Variants in ARHGAP15 observed in about 807,000 individuals in gnomAD.
ARHGAP15 encodes the protein rho GTPase-activating protein 15.
A neutral mutation model predicts 63.7 loss-of-function variants in ARHGAP15; 51 were observed. The observed-to-expected ratio is 0.80, with a 90% confidence interval of 0.64 to 1.01. The LOEUF is 1.01. Ranked by LOEUF, ARHGAP15 falls within the 50% of genes least tolerant of loss-of-function variation. The pLI, the probability that ARHGAP15 is intolerant of heterozygous loss-of-function variation, is 0.00. For missense variants in ARHGAP15, 560 were observed against 564.6 expected, an observed-to-expected ratio of 0.99 and a Z score of 0.08; for synonymous variants, 191 against 193.8, an observed-to-expected ratio of 0.99 and a Z score of 0.12.
intron 13 of ARHGAP15, chr2:143,703,753 TA>T: frequency 5.0e-6 from 2 of 399,814 alleles, no homozygotes; most frequent in Non-Finnish European, 8.9e-6. Flanking sequence ...TTTCAACTAG[TA>T]TATGTTTGCT....
intron 6 of ARHGAP15, among the ~76,000 whole-genome samples, chr2:143,411,011 C>A (rs753981223): frequency 1.3e-5 from 2 of 152,082 alleles, no homozygotes; most frequent in Middle Eastern, 3.4e-3. Context: ...CACGAACCAG[C>A]CTGACCAACA....
chr2:143,456,335 T>C (rs1188047196), intron 8 of ARHGAP15, among the ~76,000 whole-genome samples: 2 of 152,064 alleles, frequency 1.3e-5, no homozygotes, highest in Non-Finnish European at 2.9e-5. Flanking sequence ...AGAGGGCAAC[T>C]TAATTGGAGG....
At chr2:143,670,167 T>A (rs987037087) in intron 12 of ARHGAP15, among the ~76,000 whole-genome samples, 1 of 152,194 alleles carries the variant, frequency 6.6e-6, no homozygotes. Flanking sequence ...TTGCTGCTTC[T>A]CAACATCCTC....
chr2:143,250,289 T>C (rs1282066067), intron 5 of ARHGAP15, among the ~76,000 whole-genome samples: 3 of 152,066 alleles, frequency 2.0e-5, no homozygotes, highest in Non-Finnish European at 4.4e-5. Flanking sequence ...TCCTATGGTT[T>C]ATAGTTAATT....
intron 11 of ARHGAP15, among the ~76,000 whole-genome samples, chr2:143,605,014 T>G (rs1697931434): frequency 6.6e-6 from 1 of 152,158 alleles, no homozygotes; most frequent in Non-Finnish European, 1.5e-5. Flanking sequence ...GTTCAAGTGA[T>G]TCTCATGCCT....
At chr2:143,497,329 G>A (rs1446893841) in intron 9 of ARHGAP15, among the ~76,000 whole-genome samples, 1 of 152,158 alleles carries the variant, frequency 6.6e-6, no homozygotes, top group African/African-American at 2.4e-5. Flanking sequence ...AGTCTGCTGC[G>A]CTCTGGAGAG....
At chr2:143,525,533 C>A (rs554110007) in intron 10 of ARHGAP15, among the ~76,000 whole-genome samples, 1 of 151,782 alleles carries the variant, frequency 6.6e-6, no homozygotes, top group South Asian at 2.1e-4. Context: ...TGGAGGTGAT[C>A]TTAAAGAAGC....
intron 12 of ARHGAP15, among the ~76,000 whole-genome samples, chr2:143,650,463 T>C (rs1681105992): frequency 6.6e-6 from 1 of 151,924 alleles, no homozygotes; most frequent in Admixed American, 6.6e-5. Context: ...TAAAATGTGA[T>C]GGTTTTATGG....
At chr2:143,481,503 G>A (rs1308514471) in intron 8 of ARHGAP15, among the ~76,000 whole-genome samples, 1 of 152,160 alleles carries the variant, frequency 6.6e-6, no homozygotes. Context: ...AAGGTCCCCA[G>A]AAAGAGATGT....
chr2:143,366,325 T>C (rs1686290901), intron 6 of ARHGAP15, among the ~76,000 whole-genome samples: 1 of 152,170 alleles, frequency 6.6e-6, no homozygotes, highest in African/African-American at 2.4e-5. Flanking sequence ...TGTAAAATTA[T>C]ATCTAGTAAT....
At chr2:143,513,650 T>A (rs1400323917) in intron 9 of ARHGAP15, among the ~76,000 whole-genome samples, 1 of 152,240 alleles carries the variant, frequency 6.6e-6, no homozygotes, top group African/African-American at 2.4e-5. Flanking sequence ...TGATCTCTCA[T>A]AACCATTCTG....
At chr2:143,569,025 C>A (rs910817889) in intron 11 of ARHGAP15, among the ~76,000 whole-genome samples, 7 of 151,954 alleles carry the variant, frequency 4.6e-5, no homozygotes, top group Admixed American at 6.6e-5. Context: ...GGATGGGGGG[C>A]AGGGGGAGGG....
chr2:143,675,515 C>CA (rs1682781264), intron 12 of ARHGAP15, among the ~76,000 whole-genome samples: 1 of 152,154 alleles, frequency 6.6e-6, no homozygotes, highest in South Asian at 2.1e-4. Flanking sequence ...CTTAAATAAT[C>CA]AGACTTGAAA....
chr2:143,191,053 G>A (rs1047758351), intron 2 of ARHGAP15, among the ~76,000 whole-genome samples: 2 of 152,208 alleles, frequency 1.3e-5, no homozygotes, highest in African/African-American at 4.8e-5. Flanking sequence ...ACAGGCGTGA[G>A]CCACCGCACC....
At chr2:143,199,555 A>G (rs532446511) in intron 2 of ARHGAP15, among the ~76,000 whole-genome samples, 1 of 152,096 alleles carries the variant, frequency 6.6e-6, no homozygotes, top group African/African-American at 2.4e-5. Context: ...GGCCTTGTTC[A>G]TTGTTTTCCC....
intron 6 of ARHGAP15, among the ~76,000 whole-genome samples, chr2:143,421,473 G>A (rs754483806): frequency 6.6e-6 from 1 of 152,004 alleles, no homozygotes; most frequent in Non-Finnish European, 1.5e-5. Context: ...GGGAGAGAAA[G>A]AGGGAGGAAA....
chr2:143,692,178 G>C (rs563513785), intron 12 of ARHGAP15, among the ~76,000 whole-genome samples: 6 of 152,268 alleles, frequency 3.9e-5, no homozygotes, highest in African/African-American at 1.4e-4. Flanking sequence ...TAATAGGCAG[G>C]GGCAACAATA....
intron 8 of ARHGAP15, among the ~76,000 whole-genome samples, chr2:143,482,254 G>A (rs1421288720): frequency 2.0e-5 from 3 of 151,728 alleles, no homozygotes; most frequent in Non-Finnish European, 2.9e-5. Flanking sequence ...AACTCAAAGT[G>A]GGAATGGAAA....
chr2:143,595,155 G>A (rs763047584), intron 11 of ARHGAP15, among the ~76,000 whole-genome samples: 5 of 151,986 alleles, frequency 3.3e-5, no homozygotes, highest in South Asian at 2.1e-4. Flanking sequence ...ATACTTATTC[G>A]AACATTGTTT....
Sources: allele counts gnomAD v4.1 joint callset (sites outside exome capture counted in the v4.1 genomes callset), GRCh38; gene constraint gnomAD v4.1.1; transcripts MANE v1.5; gene names NCBI Gene and HGNC (gene_info 2026-07-23, HGNC 2026-07-21).